Variants in PRH1 observed in about 807,000 individuals in gnomAD.
PRH1 encodes proline rich protein HaeIII subfamily 1, also known as salivary acidic proline-rich phosphoprotein 1/2.
In PRH1, 7 loss-of-function variants were observed where a neutral mutation model predicts 7.9. That is an observed-to-expected ratio of 0.89 (90% CI 0.50 to 1.67). The LOEUF is 1.67. Among genes scored for constraint, PRH1 ranks in the 40% most tolerant of loss-of-function variants. The pLI is 0.00. For missense variants in PRH1, 109 were observed against 223.6 expected (o/e 0.49, Z 3.27); for synonymous variants, 45 against 80.8 (o/e 0.56, Z 2.38).
chr12:11,171,067 G>A (rs555877916), intron 1 of PRH1, among the ~76,000 whole-genome samples: 73 of 152,362 alleles, frequency 4.8e-4, no homozygotes, highest in South Asian at 1.0e-3. Flanking sequence ...GGAACTATCT[G>A]CATGGATGTT....
At chr12:10,932,584 G>A (rs74597237) in intron 2 of PRH1, among the ~76,000 whole-genome samples, 2,982 of 152,182 alleles carry the variant, frequency 0.02, 33 homozygotes, top group South Asian at 0.031. Context: ...AGCAAAACAG[G>A]ACCAATGAAA....
chr12:11,112,384 C>T (rs143019762), intron 1 of PRH1, among the ~76,000 whole-genome samples: 2,326 of 152,210 alleles, frequency 0.015, 19 homozygotes, highest in South Asian at 0.031. Flanking sequence ...CCTTGATGAA[C>T]ATCGATGCGA....
At chr12:11,120,702 G>A (rs1481306652), downstream of PRH1, 1 of 151,878 alleles carries the variant, frequency 6.6e-6, no homozygotes, top group Non-Finnish European at 1.5e-5. Flanking sequence ...TCTGTGGGAG[G>A]TTTGGTCCTA....
chr12:11,089,201 T>C (rs1944801013), intron 1 of PRH1, among the ~76,000 whole-genome samples: 1 of 115,676 alleles, frequency 8.6e-6, no homozygotes, highest in African/African-American at 2.9e-5. Context: ...ATTTGGGACT[T>C]GAATGCATCA....
chr12:11,012,366 A>G (rs1304177268), intron 1 of PRH1, among the ~76,000 whole-genome samples: 2 of 152,076 alleles, frequency 1.3e-5, no homozygotes, highest in African/African-American at 4.8e-5. Flanking sequence ...CATTTTACGA[A>G]TTCTCTCTAC....
intron 1 of PRH1, among the ~76,000 whole-genome samples, chr12:11,100,741 GCAGT>G (rs1049800394): frequency 6.6e-5 from 10 of 152,062 alleles, no homozygotes; most frequent in Admixed American, 5.9e-4. Flanking sequence ...TTTTACTACA[GCAGT>G]CAAAGTAGCA....
intron 1 of PRH1, among the ~76,000 whole-genome samples, chr12:10,996,047 T>A (rs149710053): frequency 6.6e-6 from 1 of 151,964 alleles, no homozygotes; most frequent in Non-Finnish European, 1.5e-5. Context: ...TAAGAATTCA[T>A]CATGAATGTC....
intron 1 of PRH1, among the ~76,000 whole-genome samples, chr12:11,143,896 C>T (rs889899685): frequency 1.6e-4 from 25 of 152,178 alleles, no homozygotes; most frequent in African/African-American, 5.6e-4. Flanking sequence ...CTACTGGCTC[C>T]AGGCTGGTAC....
At chr12:10,952,912 G>C (rs568467978) in intron 2 of PRH1, among the ~76,000 whole-genome samples, 2 of 152,132 alleles carry the variant, frequency 1.3e-5, no homozygotes, top group Non-Finnish European at 2.9e-5. Context: ...ATCCTTCAGA[G>C]TGTTGTGGCC....
intron 1 of PRH1, chr12:11,171,289 G>A: frequency 9.4e-7 from 1 of 1,060,426 alleles, no homozygotes; most frequent in Non-Finnish European, 1.2e-6. Context: ...CCCAGCCGTC[G>A]CTAGGAGGTC....
intron 2 of PRH1, chr12:10,909,204 C>T: frequency 6.2e-7 from 1 of 1,613,414 alleles, no homozygotes; most frequent in Non-Finnish European, 8.5e-7. Context: ...CCAGTCAATG[C>T]AGTTGATCAG....
In PRH1 at chr12:11,168,283, AGAAAGAAAGAAAGAAAGAAGGAAGGAAG is replaced by A. The variant is rs1947671610; in HGVS notation, n.39+3111_39+3138del. Among the ~76,000 whole-genome samples, 8 of 32,420 alleles carry A rather than the reference AGAAAGAAAGAAAGAAAGAAGGAAGGAAG, an allele frequency of 2.5e-4. 2 individuals carry two copies. Among genetic ancestry groups the A allele is most frequent in the Non-Finnish European group, 5.1e-4 (7 of 13,604 alleles). The allele number at this position is 32,420 out of a possible 152,430, so 21.3% of individuals were successfully genotyped here. A position where few individuals can be genotyped will look rare whatever the true frequency, so the allele number is the denominator to read the frequency against. ...AAGAAAGAAAGAAAGAAAGAAAGAA[AGAAAGAAAGAAAGAAAGAAGGAAGGAAG>A]GAAGGAAGGAAGGAAGGAAGGAAGG... On this transcript the variant is annotated intron_variant and non_coding_transcript_variant, in intron 1 of 1. Coordinates refer to the PRH1 transcript ENST00000541175.
At chr12:11,091,577 T>C in intron 1 of PRH1, 1 of 1,354,402 alleles carries the variant, frequency 7.4e-7, no homozygotes. Flanking sequence ...GGTGCTGGGA[T>C]CTTGAGATCC....
chr12:11,028,161 T>G (rs1942010669), intron 1 of PRH1, among the ~76,000 whole-genome samples: 1 of 152,174 alleles, frequency 6.6e-6, no homozygotes, highest in South Asian at 2.1e-4. Flanking sequence ...AGGTCTGACT[T>G]TCATGACCAC....
rs143040427 is a variant in PRH1 at position 10,987,542 on chromosome 12, A to AAGAGAG, written c.-125-13827_-125-13822dup. 2.1e-3 allele frequency among the ~76,000 whole-genome samples: 312 copies of AAGAGAG among 147,498 alleles called. 1 individual carries two copies. The highest frequency in any genetic ancestry group is 7.4e-3 in the African/African-American group (298 of 40,238). Reference sequence around the variant, plus strand: ...GTTCATAAATAGATACAAACACAGAAAGAGAGAGAGAGAGAGAGAGAGAGA... The same window carrying AAGAGAG: ...GTTCATAAATAGATACAAACACAGAAAGAGAGAGAGAGAGAGAGAGAGAGAGAGAGA... On this transcript the variant is annotated intron_variant, in intron 1 of 3. Coordinates refer to the PRH1 transcript ENST00000539853.
chr12:11,141,609 T>A (rs542349862), intron 1 of PRH1, among the ~76,000 whole-genome samples: 75 of 152,340 alleles, frequency 4.9e-4, no homozygotes, highest in Non-Finnish European at 9.3e-4. Flanking sequence ...GGTATAATCA[T>A]CTGTAAAATA....
At chr12:11,065,022 T>A (rs1188900516) in intron 1 of PRH1, among the ~76,000 whole-genome samples, 1 of 152,004 alleles carries the variant, frequency 6.6e-6, no homozygotes, top group African/African-American at 2.4e-5. Flanking sequence ...GGACACCAGA[T>A]TGAGACTCCA....
intron 1 of PRH1, among the ~76,000 whole-genome samples, chr12:11,002,405 T>TA (rs1940635947): frequency 6.6e-6 from 1 of 152,108 alleles, no homozygotes; most frequent in Admixed American, 6.6e-5. Flanking sequence ...AAGAATAAGT[T>TA]AAAACCAATG....
chr12:11,048,650 A>G (rs957659620), upstream of PRH1: 8 of 592,608 alleles, frequency 1.3e-5, no homozygotes, highest in African/African-American at 1.1e-4. Context: ...ACATGTTTAC[A>G]TGGAGAATAG....
Sources: gnomAD v4.1 joint callset for allele counts (sites outside exome capture counted in the v4.1 genomes callset) on GRCh38, gnomAD v4.1.1 for gene constraint, MANE v1.5 for transcripts, NCBI Gene and HGNC (gene_info 2026-07-23, HGNC 2026-07-21) for gene names.